NWD2: variants seen among roughly 807,000 people sequenced by gnomAD.
NWD2 encodes NACHT and WD repeat domain containing 2, also known as NACHT and WD repeat domain-containing protein 2.
Under a neutral mutation model 132.7 loss-of-function variants are expected in NWD2, and 37 were observed. The ratio of observed to expected loss-of-function variants is 0.28; its 90% confidence interval spans 0.21 to 0.37. The LOEUF (loss-of-function observed/expected upper bound fraction) is 0.37. Ranked by LOEUF, NWD2 falls within the 10% of genes least tolerant of loss-of-function variation. NWD2 has a pLI of 1.00. For missense variants in NWD2, 1,592 were observed against 2,122.4 expected (o/e 0.75, Z 4.91); for synonymous variants, 705 against 803.0 (o/e 0.88, Z 2.06).
In NWD2 at chr4:37,446,961, C is replaced by A. The variant is rs1299658616; in HGVS notation, c.4973C>A (p.Ala1658Asp). 6.4e-7 allele frequency: 1 copy of A among 1,551,324 alleles called. No homozygotes were observed. Residue 1658 changes from alanine (A) to aspartate (D), a missense_variant, in exon 7 of 7, where the codon GCC becomes GAC. Coordinates refer to ENST00000309447, the MANE Select transcript of NWD2 (RefSeq NM_001144990.2). The surrounding 1 kb of genome is among the most constrained non-coding windows in gnomAD (Gnocchi z 6.7). ...GATGCTGCACTGAAAATCAAAATTG[C>A]CACTTCAAATAGCAGACAAATTTTC... is the stretch of plus-strand genomic sequence containing the variant. ...RVDAALKIKI[A>D]TSNSRQIFNN...
rs543429337 is a variant in NWD2 at position 37,312,285 on chromosome 4, T to G, written c.152-13651T>G. Reference sequence around the variant, plus strand: ...AGCATGGAATGTTCTTCCATTTGTTTGCATCCTCTTTTATTTCCTTGAGCA... The same window carrying G: ...AGCATGGAATGTTCTTCCATTTGTTGGCATCCTCTTTTATTTCCTTGAGCA... On this transcript the variant is annotated intron_variant, in intron 1 of 6. Transcript: ENST00000309447. Among the ~76,000 whole-genome samples, 113 of 151,166 alleles carry G rather than the reference T, an allele frequency of 7.5e-4. 5 individuals carry two copies. Among genetic ancestry groups the G allele is most frequent in the African/African-American group, 2.5e-3 (103 of 40,454 alleles).
chr4:37,340,511 C>T (rs1719495910), intron 2 of NWD2, among the ~76,000 whole-genome samples: 1 of 152,178 alleles, frequency 6.6e-6, no homozygotes, highest in Non-Finnish European at 1.5e-5. Context: ...AGTTTACAGT[C>T]TCGCAGTTGT....
chr4:37,362,656 A>G (rs1434863885), intron 3 of NWD2, among the ~76,000 whole-genome samples: 1 of 152,214 alleles, frequency 6.6e-6, no homozygotes, highest in Non-Finnish European at 1.5e-5. Flanking sequence ...TTCACCATAC[A>G]CAAAAATTAA....
intron 1 of NWD2, among the ~76,000 whole-genome samples, chr4:37,295,039 G>A (rs985063229): frequency 2.6e-5 from 4 of 152,138 alleles, no homozygotes; most frequent in Admixed American, 1.3e-4. Flanking sequence ...GGGAATCGTC[G>A]ATTATGTATT....
Position 37,445,878 on chromosome 4 carries a change from T to C in NWD2, c.3890T>C (p.Val1297Ala). The C allele has an allele frequency of 6.4e-7, 1 of 1,551,980 alleles. No individual in the cohort carries two copies. The highest frequency in any genetic ancestry group is 8.7e-7 in the Non-Finnish European group (1 of 1,147,026). The change falls in exon 7 of 7, where the codon GTT becomes GCT. Residue 1297 changes from valine to alanine, a missense_variant. Around this residue, in one of 7 missense-constraint regions of NWD2, gnomAD observed 1,071 missense variants for 1,398.0 expected, o/e 0.77. Coordinates refer to ENST00000309447, the MANE Select transcript of NWD2 (RefSeq NM_001144990.2). This position sits in a 1 kb window ranked among gnomAD's most constrained non-coding sequence, Gnocchi z 4.7. ...NMLLSLSTSGVLSIWDIDIIT... is the reference protein window; with the variant it reads ...NMLLSLSTSGALSIWDIDIIT... ...CTACTGTCTTTATCAACCAGTGGTG[T>C]TCTTTCCATTTGGGACATAGATATA...
At chr4:37,368,499 C>A (rs537843099) in intron 3 of NWD2, among the ~76,000 whole-genome samples, 17 of 152,240 alleles carry the variant, frequency 1.1e-4, no homozygotes, top group African/African-American at 3.9e-4. Flanking sequence ...CTCTTAAGCA[C>A]CCACTTAAAC....
At position 37,244,964 on chromosome 4, in the gene NWD2, C is replaced by T. The variant is rs1717198478; in HGVS notation, c.-104C>T. On this transcript the variant is annotated 5_prime_UTR_variant, in exon 1 of 7. Coordinates refer to ENST00000309447, the MANE Select transcript of NWD2 (RefSeq NM_001144990.2). The surrounding 1 kb of genome is among the most constrained non-coding windows in gnomAD (Gnocchi z 5.5). ...TCGGAGCGGCTCTGAGCCGCGCCGC[C>T]TGCTGAGATCGACCGCCTGCTGAGC... is the stretch of plus-strand genomic sequence containing the variant. The T allele has an allele frequency of 6.8e-7, 1 of 1,459,880 alleles. No homozygotes were observed. The highest frequency in any genetic ancestry group is 9.2e-7 in the Non-Finnish European group (1 of 1,091,070). The allele number at this position is 1,459,880 out of a possible 1,614,324, so 90.4% of individuals were successfully genotyped here.
chr4:37,441,892 G>A (rs1712495082), intron 6 of NWD2, among the ~76,000 whole-genome samples: 1 of 152,156 alleles, frequency 6.6e-6, no homozygotes, highest in South Asian at 2.1e-4. Flanking sequence ...GCTCGTGATG[G>A]TAGGGCTGCT....
At chr4:37,425,047 A>G (rs1711955103) in intron 3 of NWD2, among the ~76,000 whole-genome samples, 2 of 152,240 alleles carry the variant, frequency 1.3e-5, no homozygotes, top group Non-Finnish European at 2.9e-5. Flanking sequence ...ATGTAGCTAT[A>G]TCAGCATATA....
chr4:37,392,552 C>G (rs1720698327), intron 3 of NWD2, among the ~76,000 whole-genome samples: 1 of 152,144 alleles, frequency 6.6e-6, no homozygotes, highest in Non-Finnish European at 1.5e-5. Flanking sequence ...TCCTGGGGAG[C>G]AAAATTCTCC....
intron 1 of NWD2, among the ~76,000 whole-genome samples, chr4:37,247,388 C>G (rs1717265706): frequency 6.6e-6 from 1 of 152,140 alleles, no homozygotes; most frequent in Non-Finnish European, 1.5e-5. Context: ...TCTCTACTGT[C>G]AAATTAAGAC....
chr4:37,389,498 A>C (rs769710508), intron 3 of NWD2, among the ~76,000 whole-genome samples: 1 of 152,176 alleles, frequency 6.6e-6, no homozygotes, highest in Non-Finnish European at 1.5e-5. Flanking sequence ...TTTCGAATCC[A>C]TCCTTCCCCT....
At position 37,444,284 on chromosome 4, in the gene NWD2, G is replaced by C; in HGVS notation, c.2296G>C (p.Val766Leu). Residue 766 changes from valine (V) to leucine (L), a missense_variant, in exon 7 of 7, where the codon GTT becomes CTT. Val to Leu is a conservative substitution (Grantham distance 32). Around this residue, in one of 7 missense-constraint regions of NWD2, gnomAD observed 1,071 missense variants for 1,398.0 expected, o/e 0.77. Transcript: ENST00000309447. The surrounding 1 kb of genome is among the most constrained non-coding windows in gnomAD (Gnocchi z 4.8). ...HTILADYFLG[V>L]WSGGRRKAFC... is the part of the protein sequence containing the mutation. ...CATCTTAGCAGATTATTTTCTGGGG[G>C]TTTGGTCAGGGGGCAGGAGGAAAGC... 1 of 1,551,700 alleles carries C rather than the reference G, an allele frequency of 6.4e-7. No homozygotes were observed. The highest frequency in any genetic ancestry group is 8.7e-7 in the Non-Finnish European group (1 of 1,146,984).
intron 1 of NWD2, among the ~76,000 whole-genome samples, chr4:37,258,067 T>A (rs1656192): frequency 0.019 from 2,882 of 152,388 alleles, 87 homozygotes; most frequent in African/African-American, 0.066. Context: ...TCTGATCCTG[T>A]TAATCTTTTA....
intron 3 of NWD2, among the ~76,000 whole-genome samples, chr4:37,377,154 T>C (rs137963553): frequency 6.6e-6 from 1 of 152,324 alleles, no homozygotes; most frequent in Non-Finnish European, 1.5e-5. Flanking sequence ...CAGTGACATA[T>C]AGACCAAACT....
chr4:37,366,751 A>C (rs1299390206), intron 3 of NWD2, among the ~76,000 whole-genome samples: 2 of 152,160 alleles, frequency 1.3e-5, no homozygotes, highest in Admixed American at 1.3e-4. Context: ...ATAAAGTAGG[A>C]TGTTTCATAA....
chr4:37,269,348 A>T (rs1717822124), intron 1 of NWD2, among the ~76,000 whole-genome samples: 1 of 151,986 alleles, frequency 6.6e-6, no homozygotes, highest in African/African-American at 2.4e-5. Context: ...ATATTAAAGT[A>T]AAAAAATGGA....
intron 3 of NWD2, among the ~76,000 whole-genome samples, chr4:37,428,511 A>T (rs1712067465): frequency 6.6e-6 from 1 of 152,258 alleles, no homozygotes; most frequent in Non-Finnish European, 1.5e-5. Context: ...TTATTAGCTT[A>T]AACCAGAAGT....
rs185348431 is a variant in NWD2 at position 37,392,960 on chromosome 4, C to T, written c.357+36478C>T. On this transcript the variant is annotated intron_variant, in intron 3 of 6. Transcript: ENST00000309447. ...ATGTCTGTGAATGTTGTGGACGCTT[C>T]AGAAATTCTCTTGACCCAAATCTCG... is the stretch of plus-strand genomic sequence containing the variant. Among the ~76,000 whole-genome samples the T allele has an allele frequency of 7.2e-5, 11 of 152,280 alleles. No individual in the cohort carries two copies. In the East Asian group the frequency reaches 1.4e-3, roughly 19 times the overall value.
Sources: allele counts gnomAD v4.1 joint callset (sites outside exome capture counted in the v4.1 genomes callset), GRCh38; gene constraint gnomAD v4.1.1; regional missense constraint gnomAD v4.1.1; non-coding constraint Gnocchi (gnomAD v3.1); transcripts MANE v1.5; gene names NCBI Gene and HGNC (gene_info 2026-07-23, HGNC 2026-07-21).